EPSTI1: variants seen among roughly 807,000 people sequenced by gnomAD.
EPSTI1 encodes epithelial-stromal interaction protein 1.
A neutral mutation model predicts 49.9 loss-of-function variants in EPSTI1; 66 were observed. The ratio of observed to expected loss-of-function variants is 1.32; its 90% confidence interval spans 1.08 to 1.62. The LOEUF (loss-of-function observed/expected upper bound fraction) is 1.62, where lower values mean the gene tolerates loss of function less well. EPSTI1 is among the 40% of genes most tolerant of loss of function. The pLI is 0.00. For synonymous variants in EPSTI1, 137 were observed against 130.7 expected (o/e 1.05, Z -0.33); for missense variants, 394 against 365.5 (o/e 1.08, Z -0.64).
Position 42,953,969 on chromosome 13 carries a change from G to T in EPSTI1, c.542C>A (p.Ala181Glu). The change falls in exon 6 of 11, where the codon GCA becomes GAA. Residue 181 changes from alanine to glutamate, a missense_variant. Transcript: ENST00000313624. ...KRLQENLRREAFREHQQYKTA... is the reference protein window; with the variant it reads ...KRLQENLRREEFREHQQYKTA... ...TTACTATTGCTGATGCTCTCTAAAT[G>T]CTTCTCTTCTAAGGTTTTCTTGAAG... 6.2e-7 allele frequency: 1 copy of T among 1,612,874 alleles called. No individual in the cohort carries two copies. Among genetic ancestry groups the T allele is most frequent in the Non-Finnish European group, 8.5e-7 (1 of 1,179,804 alleles).
chr13:42,955,499 A>G (rs1420884379), intron 5 of EPSTI1, among the ~76,000 whole-genome samples: 1 of 152,158 alleles, frequency 6.6e-6, no homozygotes, highest in African/African-American at 2.4e-5. Flanking sequence ...GCTAAATTTT[A>G]TCCAACAAAA....
chr13:42,979,632 G>C (rs145449561), intron 1 of EPSTI1, among the ~76,000 whole-genome samples: 330 of 148,460 alleles, frequency 2.2e-3, no homozygotes, highest in Middle Eastern at 6.9e-3. Flanking sequence ...AGCCTAACAA[G>C]CAAAGTTATA....
intron 1 of EPSTI1, among the ~76,000 whole-genome samples, chr13:42,978,375 G>A (rs1313900042): frequency 6.6e-6 from 1 of 152,126 alleles, no homozygotes; most frequent in Non-Finnish European, 1.5e-5. Flanking sequence ...TAGCGGGGAG[G>A]GGGCTTCCAG....
At chr13:42,939,728 G>T (rs1310175101) in intron 6 of EPSTI1, among the ~76,000 whole-genome samples, 1 of 152,158 alleles carries the variant, frequency 6.6e-6, no homozygotes, top group Non-Finnish European at 1.5e-5. Flanking sequence ...CTGAAATATT[G>T]TACAGATTAC....
chr13:42,957,042 A>C (rs564312693), intron 5 of EPSTI1, among the ~76,000 whole-genome samples: 1 of 152,322 alleles, frequency 6.6e-6, no homozygotes, highest in East Asian at 1.9e-4. Flanking sequence ...TTCTCACAGT[A>C]ATCTAGGCCA....
intron 1 of EPSTI1, among the ~76,000 whole-genome samples, chr13:42,981,635 A>C (rs1371185541): frequency 6.6e-6 from 1 of 152,252 alleles, no homozygotes; most frequent in East Asian, 1.9e-4. Flanking sequence ...CTGCACAAAC[A>C]GGAATGTAAA....
At chr13:42,937,381 T>C (rs1270928991) in intron 6 of EPSTI1, among the ~76,000 whole-genome samples, 1 of 152,218 alleles carries the variant, frequency 6.6e-6, no homozygotes, top group Non-Finnish European at 1.5e-5. Context: ...GCCACATCAA[T>C]TGACTCTTTC....
intron 5 of EPSTI1, among the ~76,000 whole-genome samples, chr13:42,961,731 G>A (rs902073344): frequency 1.3e-5 from 2 of 152,204 alleles, no homozygotes; most frequent in African/African-American, 2.4e-5. Flanking sequence ...TCTTTTGGGA[G>A]AGAAGGAAAT....
intron 10 of EPSTI1, among the ~76,000 whole-genome samples, chr13:42,893,316 A>G (rs936698891): frequency 3.3e-5 from 5 of 152,222 alleles, no homozygotes; most frequent in African/African-American, 1.2e-4. Context: ...TTATTAGAAC[A>G]AAGTCCCCCA....
At chr13:42,948,077 C>T (rs559047722) in intron 6 of EPSTI1, among the ~76,000 whole-genome samples, 2 of 152,374 alleles carry the variant, frequency 1.3e-5, no homozygotes, top group South Asian at 4.1e-4. Flanking sequence ...ACGGTGTTCC[C>T]GCAGCTGCCA....
chr13:42,935,561 T>C (rs2038532260), intron 6 of EPSTI1, among the ~76,000 whole-genome samples: 1 of 152,186 alleles, frequency 6.6e-6, no homozygotes, highest in Non-Finnish European at 1.5e-5. Context: ...ACCGAATTCT[T>C]CTACTCCATT....
chr13:42,975,847 A>G (rs879518059), intron 1 of EPSTI1, among the ~76,000 whole-genome samples: 6 of 152,202 alleles, frequency 3.9e-5, no homozygotes, highest in Non-Finnish European at 2.9e-5. Context: ...GAGTCACACT[A>G]AAGATATAAA....
At chr13:42,894,932 A>G in intron 10 of EPSTI1, 77 bp downstream of exon 10, 1 of 1,339,222 alleles carries the variant, frequency 7.5e-7, no homozygotes, top group African/African-American at 1.5e-5. Context: ...GGAGAAGGCC[A>G]AAACATATAT....
At chr13:42,970,495 C>T in intron 2 of EPSTI1, 117 bp downstream of exon 2, 2 of 837,346 alleles carry the variant, frequency 2.4e-6, no homozygotes, top group Non-Finnish European at 1.8e-6. Flanking sequence ...AAACAAAAAA[C>T]CTTGATGAGA....
At chr13:42,905,464 A>C (rs979915020) in intron 8 of EPSTI1, among the ~76,000 whole-genome samples, 4 of 152,238 alleles carry the variant, frequency 2.6e-5, no homozygotes, top group African/African-American at 9.6e-5. Context: ...ATGTGTCTGC[A>C]TGCCTTATAA....
intron 1 of EPSTI1, among the ~76,000 whole-genome samples, chr13:42,987,480 G>T (rs1320733468): frequency 6.6e-6 from 1 of 152,068 alleles, no homozygotes; most frequent in African/African-American, 2.4e-5. Flanking sequence ...CCAGCCCAGG[G>T]CCCACAAGGT....
At chr13:42,906,533 G>C (rs2037504636) in intron 8 of EPSTI1, among the ~76,000 whole-genome samples, 1 of 152,238 alleles carries the variant, frequency 6.6e-6, no homozygotes, top group African/African-American at 2.4e-5. Flanking sequence ...GAAAGGGATA[G>C]TGGAAGCAGG....
In EPSTI1 at chr13:42,895,077, C is replaced by T; in HGVS notation, c.847G>A (p.Gly283Ser). ...TCGAGGCCACCTGGTTGACTTTTGCCTTGGAGTCGGTCCAGAAAAGCATTA... is the reference window on the plus strand; with the variant it reads ...TCGAGGCCACCTGGTTGACTTTTGCTTTGGAGTCGGTCCAGAAAAGCATTA... ...VNNAFLDRLQ[G>S]KSQPGGLEQS... The change falls in exon 10 of 11, where the codon GGC becomes AGC. Residue 283 changes from glycine to serine, a missense_variant. Physicochemically the swap from Gly to Ser is moderately conservative, Grantham distance 56. Transcript: ENST00000313624. 1.9e-6 allele frequency: 3 copies of T among 1,613,338 alleles called. No homozygotes were observed. The highest frequency in any genetic ancestry group is 1.3e-5 in the African/African-American group (1 of 75,008).
chr13:42,950,905 C>G (rs1244671176), intron 6 of EPSTI1, among the ~76,000 whole-genome samples: 1 of 152,032 alleles, frequency 6.6e-6, no homozygotes, highest in African/African-American at 2.4e-5. Flanking sequence ...ACTTGTAATC[C>G]CAGAGCTTTG....
Sources: gnomAD v4.1 joint callset for allele counts (sites outside exome capture counted in the v4.1 genomes callset) on GRCh38, gnomAD v4.1.1 for gene constraint, MANE v1.5 for transcripts, NCBI Gene and HGNC (gene_info 2026-07-23, HGNC 2026-07-21) for gene names.